Variants in DPP10 observed in about 807,000 individuals in gnomAD.
The protein encoded by DPP10 is inactive dipeptidyl peptidase 10.
A neutral mutation model predicts 120.9 loss-of-function variants in DPP10; 33 were observed. The observed-to-expected ratio is 0.27, with a 90% CI of 0.21 to 0.37. The LOEUF (loss-of-function observed/expected upper bound fraction) is 0.37. DPP10 is among the 10% of genes least tolerant of loss of function. The pLI is 1.00. For missense variants in DPP10, 816 were observed against 942.8 expected (o/e 0.87, Z 1.76); for synonymous variants, 337 against 326.1 (o/e 1.03, Z -0.36).
At chr2:114,788,930 A>T (rs140152197) in intron 1 of DPP10, among the ~76,000 whole-genome samples, 345 of 152,250 alleles carry the variant, frequency 2.3e-3, no homozygotes, top group African/African-American at 7.8e-3. Flanking sequence ...GGTGGGGGTC[A>T]TTCCTGAGGA....
intron 1 of DPP10, among the ~76,000 whole-genome samples, chr2:114,784,164 C>A (rs1682568199): frequency 6.6e-6 from 1 of 152,050 alleles, no homozygotes; most frequent in African/African-American, 2.4e-5. Flanking sequence ...TCAAGAACCT[C>A]CTGTAGTGTC....
intron 5 of DPP10, among the ~76,000 whole-genome samples, chr2:115,537,243 GT>G (rs2148947005): frequency 6.6e-6 from 1 of 152,038 alleles, no homozygotes; most frequent in African/African-American, 2.4e-5. Context: ...AGTTCAGTGG[GT>G]TCCTGCATGT....
chr2:114,516,273 A>G (rs1460343520), intron 1 of DPP10, among the ~76,000 whole-genome samples: 1 of 152,148 alleles, frequency 6.6e-6, no homozygotes, highest in African/African-American at 2.4e-5. Flanking sequence ...AATTCGGGAG[A>G]TAATTGTGAT....
chr2:115,270,232 A>G (rs924221275), intron 1 of DPP10, among the ~76,000 whole-genome samples: 9 of 152,098 alleles, frequency 5.9e-5, no homozygotes, highest in Admixed American at 5.2e-4. Flanking sequence ...AAAATTGGGT[A>G]TGGATGTATT....
chr2:114,859,034 A>G (rs1689592614), intron 1 of DPP10, among the ~76,000 whole-genome samples: 1 of 152,096 alleles, frequency 6.6e-6, no homozygotes, highest in East Asian at 1.9e-4. Flanking sequence ...CTAGTTGAGA[A>G]ATAAATTATT....
chr2:114,922,752 A>C (rs1695291424), intron 1 of DPP10, among the ~76,000 whole-genome samples: 1 of 152,188 alleles, frequency 6.6e-6, no homozygotes, highest in Non-Finnish European at 1.5e-5. Context: ...GAACAATATT[A>C]TATTTTATGG....
intron 1 of DPP10, among the ~76,000 whole-genome samples, chr2:115,184,345 A>AT (rs1245077569): frequency 2.0e-5 from 3 of 152,312 alleles, no homozygotes; most frequent in African/African-American, 7.2e-5. Flanking sequence ...CTGACCCTGT[A>AT]TTGGATAGGG....
intron 21 of DPP10, among the ~76,000 whole-genome samples, chr2:115,828,418 A>C (rs1386961766): frequency 6.6e-6 from 1 of 152,050 alleles, no homozygotes; most frequent in African/African-American, 2.4e-5. Flanking sequence ...AGTGTTTTTA[A>C]CAAATTTGGA....
chr2:115,247,743 C>T (rs887755419), intron 1 of DPP10, among the ~76,000 whole-genome samples: 1 of 151,960 alleles, frequency 6.6e-6, no homozygotes, highest in Non-Finnish European at 1.5e-5. Context: ...AACAGAAATG[C>T]AGTCTACACT....
chr2:115,170,409 A>G (rs930517559), intron 1 of DPP10, among the ~76,000 whole-genome samples: 1 of 152,204 alleles, frequency 6.6e-6, no homozygotes, highest in Non-Finnish European at 1.5e-5. Context: ...TAGAGGTAAA[A>G]ATATATCTTT....
chr2:115,432,838 C>G (rs1000774959), intron 3 of DPP10, among the ~76,000 whole-genome samples: 24 of 151,894 alleles, frequency 1.6e-4, no homozygotes, highest in Non-Finnish European at 1.0e-4. Flanking sequence ...TGAACGTCTT[C>G]TATGCACAGG....
chr2:115,728,884 C>T (rs551192377), intron 8 of DPP10, among the ~76,000 whole-genome samples: 6 of 152,174 alleles, frequency 3.9e-5, no homozygotes, highest in Non-Finnish European at 7.4e-5. Flanking sequence ...CGTATATTTA[C>T]GTGAAATATT....
intron 2 of DPP10, among the ~76,000 whole-genome samples, chr2:115,329,107 A>G (rs770196640): frequency 1.3e-5 from 2 of 152,050 alleles, no homozygotes; most frequent in Non-Finnish European, 2.9e-5. Context: ...TATTATTTCT[A>G]TATTTGTTGA....
chr2:115,082,073 T>A (rs113178225), intron 1 of DPP10, among the ~76,000 whole-genome samples: 1 of 152,324 alleles, frequency 6.6e-6, no homozygotes, highest in Non-Finnish European at 1.5e-5. Context: ...TTTTAAGAAA[T>A]TATTTTGTAA....
chr2:115,084,602 C>T (rs996979708), intron 1 of DPP10, among the ~76,000 whole-genome samples: 6 of 152,166 alleles, frequency 3.9e-5, no homozygotes, highest in African/African-American at 1.4e-4. Flanking sequence ...GTTCTTGAAA[C>T]ATATGGTGCT....
chr2:115,650,725 A>T (rs2087693497), intron 5 of DPP10, among the ~76,000 whole-genome samples: 1 of 151,962 alleles, frequency 6.6e-6, no homozygotes. Flanking sequence ...GCCATATTCA[A>T]CACACTCCCT....
chr2:115,440,071 A>AT (rs1048128879), intron 3 of DPP10, among the ~76,000 whole-genome samples: 19 of 151,310 alleles, frequency 1.3e-4, no homozygotes, highest in Admixed American at 2.6e-4. Context: ...TTTGAACAGC[A>AT]TTTTTTTTTC....
intron 1 of DPP10, among the ~76,000 whole-genome samples, chr2:114,799,338 G>A (rs935305971): frequency 6.6e-6 from 1 of 152,064 alleles, no homozygotes; most frequent in Non-Finnish European, 1.5e-5. Context: ...AGTCCTAAGA[G>A]AAAACAGAAT....
intron 1 of DPP10, among the ~76,000 whole-genome samples, chr2:114,519,657 C>A (rs548846321): frequency 6.6e-6 from 1 of 152,314 alleles, no homozygotes; most frequent in African/African-American, 2.4e-5. Context: ...ATTATTAGCC[C>A]AGTTCTAAAT....
Sources: allele counts gnomAD v4.1 joint callset (sites outside exome capture counted in the v4.1 genomes callset), GRCh38; gene constraint gnomAD v4.1.1; transcripts MANE v1.5; gene names NCBI Gene and HGNC (gene_info 2026-07-23, HGNC 2026-07-21).